Variants in PVT1 observed in about 807,000 individuals in gnomAD.
The protein encoded by PVT1 is CXCR4/PVT1 fusion.
chr8:128,051,239 T>C (rs2130105336), intron 4 of PVT1, among the ~76,000 whole-genome samples: 1 of 152,322 alleles, frequency 6.6e-6, no homozygotes, highest in African/African-American at 2.4e-5. Flanking sequence ...GGAGGTTGCA[T>C]TATTGGGAAT....
intron 2 of PVT1, among the ~76,000 whole-genome samples, chr8:127,883,939 T>C (rs554852986): frequency 6.6e-6 from 1 of 152,200 alleles, no homozygotes; most frequent in Non-Finnish European, 1.5e-5. Context: ...CTTGAAGGGG[T>C]GTTCTGATGT....
intron 5 of PVT1, among the ~76,000 whole-genome samples, chr8:128,092,786 C>T (rs1019190905): frequency 6.6e-6 from 1 of 152,196 alleles, no homozygotes; most frequent in Non-Finnish European, 1.5e-5. Flanking sequence ...ATCTTACTCT[C>T]AGCATGGTGC....
At position 127,999,127 on chromosome 8, in the gene PVT1, A is replaced by G. The variant is rs1005308292; in HGVS notation, n.912+9836A>G. 5 of 152,076 alleles carry G rather than the reference A, an allele frequency of 3.3e-5. No homozygotes were observed. The East Asian group carries it at 9.6e-4, about 29-fold the overall frequency. The allele number at this position is 152,076 out of a possible 1,614,324, so 9.4% of individuals were successfully genotyped here. On this transcript the variant is annotated intron_variant and non_coding_transcript_variant, in intron 4 of 10. Coordinates refer to ENST00000651587, the Ensembl canonical transcript of PVT1. The stretch of plus-strand genomic sequence containing the variant: ...GGGGAGAACAATTTTTTTAACACAT[A>G]TGAATACTTACCTGGCAGGGGAGAT...
intron 4 of PVT1, among the ~76,000 whole-genome samples, chr8:128,026,946 G>A (rs572791549): frequency 7.9e-5 from 12 of 152,238 alleles, no homozygotes; most frequent in East Asian, 5.8e-4. Context: ...GCACTGAGGC[G>A]TTCTTGTCTG....
chr8:127,942,227 G>A (rs997251139), intron 3 of PVT1, among the ~76,000 whole-genome samples: 1 of 152,212 alleles, frequency 6.6e-6, no homozygotes, highest in African/African-American at 2.4e-5. Context: ...GGATAATGAA[G>A]AATTTCCACG....
At chr8:127,899,912 A>G (rs562266362) in intron 3 of PVT1, among the ~76,000 whole-genome samples, 2 of 152,358 alleles carry the variant, frequency 1.3e-5, no homozygotes, top group East Asian at 3.9e-4. Context: ...TCTGAAACAC[A>G]AAAGAGAAAG....
chr8:128,073,503 C>A (rs1417871816), intron 5 of PVT1, among the ~76,000 whole-genome samples: 1 of 152,106 alleles, frequency 6.6e-6, no homozygotes, highest in African/African-American at 2.4e-5. Context: ...TAAATGCAGA[C>A]TTTTGACCAA....
At chr8:128,016,980 GT>G (rs750995592) in intron 4 of PVT1, among the ~76,000 whole-genome samples, 3 of 152,130 alleles carry the variant, frequency 2.0e-5, no homozygotes, top group Non-Finnish European at 4.4e-5. Context: ...GAGCCCAGGA[GT>G]TCAAGGCAAA....
At chr8:127,925,196 G>T (rs1158481221) in intron 3 of PVT1, among the ~76,000 whole-genome samples, 1 of 152,160 alleles carries the variant, frequency 6.6e-6, no homozygotes, top group Non-Finnish European at 1.5e-5. Flanking sequence ...TTGTAGCATA[G>T]ATCAGCATGT....
At chr8:128,094,794 C>T (rs555836730) in intron 5 of PVT1, among the ~76,000 whole-genome samples, 39 of 152,328 alleles carry the variant, frequency 2.6e-4, no homozygotes, top group African/African-American at 9.4e-4. Context: ...AGAATCTGAA[C>T]CAGTACCATG....
intron 2 of PVT1, among the ~76,000 whole-genome samples, chr8:127,848,004 C>T (rs1815055198): frequency 6.6e-6 from 1 of 152,014 alleles, no homozygotes; most frequent in Non-Finnish European, 1.5e-5. Flanking sequence ...ATGAAGGAGA[C>T]TCTTGATTGC....
intron 3 of PVT1, among the ~76,000 whole-genome samples, chr8:127,980,475 C>T (rs1319164827): frequency 2.0e-5 from 3 of 152,028 alleles, no homozygotes; most frequent in Non-Finnish European, 2.9e-5. Context: ...GCGTTGGGCT[C>T]AGTGTTTCCT....
Position 127,949,379 on chromosome 8 carries a change from CTGTGTGTGTG to C in PVT1, n.783-39747_783-39738del, listed in dbSNP as rs61425056. Among the ~76,000 whole-genome samples, 1,025 of 111,320 alleles carry C rather than the reference CTGTGTGTGTG, an allele frequency of 9.2e-3. 11 individuals are homozygous for C. The highest frequency in any genetic ancestry group is 0.033 in the African/African-American group (982 of 30,128). 73.0% of individuals were successfully genotyped at this position (111,320 alleles called of 152,430 possible). ...GTTTGGAATGTTTGAACTCCAGGAG[CTGTGTGTGTG>C]TGTGTGTGTGTGTGTGTGTGTGTGT... On this transcript the variant is annotated intron_variant and non_coding_transcript_variant, in intron 3 of 10. Transcript: ENST00000651587.
At chr8:127,858,018 C>G (rs990617478) in intron 2 of PVT1, among the ~76,000 whole-genome samples, 7 of 152,142 alleles carry the variant, frequency 4.6e-5, no homozygotes, top group African/African-American at 1.7e-4. Context: ...CTTTGGAGTG[C>G]TGTCAGGGAT....
chr8:127,820,023 A>T (rs1814712138), intron 2 of PVT1, among the ~76,000 whole-genome samples: 1 of 151,974 alleles, frequency 6.6e-6, no homozygotes, highest in Non-Finnish European at 1.5e-5. Flanking sequence ...GGAGTTTGGA[A>T]CTCTGCCTTT....
chr8:127,930,384 C>A (rs1816190375), intron 3 of PVT1, among the ~76,000 whole-genome samples: 5 of 152,180 alleles, frequency 3.3e-5, no homozygotes, highest in Admixed American at 3.3e-4. Context: ...GTCTCAAACT[C>A]CTGACCTCAG....
At chr8:127,937,580 C>CACACAGAGAGAGAGAGAG (rs59006608) in intron 3 of PVT1, among the ~76,000 whole-genome samples, 2 of 107,794 alleles carry the variant, frequency 1.9e-5, no homozygotes, top group East Asian at 2.8e-4. Flanking sequence ...CACACACACA[C>CACACAGAGAGAGAGAGAG]AGAGAGAGAG....
At chr8:127,961,131 A>C (rs796554876) in intron 3 of PVT1, among the ~76,000 whole-genome samples, 3 of 152,334 alleles carry the variant, frequency 2.0e-5, no homozygotes, top group African/African-American at 7.2e-5. Flanking sequence ...AGGAAAGGTA[A>C]GCAGAGGCCA....
chr8:127,883,218 C>T lies in PVT1; in HGVS notation n.373-7371C>T, dbSNP rs114704671. 5.2e-3 allele frequency among the ~76,000 whole-genome samples: 790 copies of T among 152,230 alleles called. 10 individuals are homozygous for T. Among genetic ancestry groups the T allele is most frequent in the African/African-American group, 0.017 (713 of 41,520 alleles). ...CCCCTCAAAGCTTTAGGACCAGGGA[C>T]GCCTTCCCTCACTTTCTGTGTTCTG... On this transcript the variant is annotated intron_variant and non_coding_transcript_variant, in intron 2 of 10. Coordinates refer to ENST00000651587, the Ensembl canonical transcript of PVT1.
Sources: allele counts gnomAD v4.1 joint callset (sites outside exome capture counted in the v4.1 genomes callset), GRCh38; gene constraint gnomAD v4.1.1; transcripts MANE v1.5; gene names NCBI Gene and HGNC (gene_info 2026-07-23, HGNC 2026-07-21).